The following IQGAP2 variants were observed in gnomAD, a reference collection of about 807,000 sequenced individuals.
The protein encoded by IQGAP2 is ras GTPase-activating-like protein IQGAP2.
A neutral mutation model predicts 201.3 loss-of-function variants in IQGAP2; 173 were observed. The ratio of observed to expected loss-of-function variants is 0.86; its 90% confidence interval spans 0.76 to 0.98. The LOEUF is 0.98. IQGAP2 is among the 50% of genes least tolerant of loss of function. The probability of loss-of-function intolerance (pLI) is 0.00; values close to 1 mark genes in which losing one functional copy is unlikely to be tolerated. For missense variants in IQGAP2, 1,687 were observed against 1,864.8 expected, an observed-to-expected ratio of 0.90 and a Z score of 1.76; for synonymous variants, 675 against 673.9, an observed-to-expected ratio of 1.00 and a Z score of -0.03.
intron 21 of IQGAP2, 51 bp from the exon 22 acceptor site, chr5:76,664,975 G>A: frequency 9.7e-7 from 1 of 1,029,018 alleles, no homozygotes; most frequent in South Asian, 1.4e-5. Context: ...GAAGGGAGGA[G>A]ATAAAGAGTA....
chr5:76,637,443 A>G (rs747750020), intron 16 of IQGAP2, among the ~76,000 whole-genome samples: 1 of 152,246 alleles, frequency 6.6e-6, no homozygotes, highest in Non-Finnish European at 1.5e-5. Context: ...ATCCTAAGAA[A>G]TCAATCTTAA....
At chr5:76,440,548 G>A (rs574685168) in intron 1 of IQGAP2, among the ~76,000 whole-genome samples, 9 of 152,252 alleles carry the variant, frequency 5.9e-5, no homozygotes, top group African/African-American at 1.9e-4. Context: ...TTCTGTGTGT[G>A]ATCTCTTGAC....
intron 2 of IQGAP2, among the ~76,000 whole-genome samples, chr5:76,541,279 A>T (rs1256849563): frequency 6.6e-6 from 1 of 152,134 alleles, no homozygotes. Flanking sequence ...GGAATCATAG[A>T]ATATGTGTCC....
At chr5:76,496,725 T>TTTCTTTCTTTC (rs201757003) in intron 2 of IQGAP2, among the ~76,000 whole-genome samples, 1 of 93,674 alleles carries the variant, frequency 1.1e-5, no homozygotes, top group East Asian at 3.0e-4. Context: ...TCTTTCTTTC[T>TTTCTTTCTTTC]TTTCTTTCTT....
In IQGAP2 at chr5:76,639,338, C is replaced by G. The variant is rs183445493; in HGVS notation, c.1924-1595C>G. Among the ~76,000 whole-genome samples, 462 of 152,258 alleles carry G rather than the reference C, an allele frequency of 3.0e-3. 2 individuals carry two copies. Among genetic ancestry groups the G allele is most frequent in the African/African-American group, 0.011 (444 of 41,526 alleles). On this transcript the variant is annotated intron_variant, in intron 16 of 35. Transcript: ENST00000274364. ...TTTCCACTTTTTGCATTGTTTTTGA[C>G]ACAGTCACCGGTATCTCTGAGTGGT...
At chr5:76,608,478 T>C (rs951965297) in intron 12 of IQGAP2, among the ~76,000 whole-genome samples, 6 of 152,200 alleles carry the variant, frequency 3.9e-5, no homozygotes, top group Admixed American at 2.0e-4. Flanking sequence ...AATACACCAT[T>C]GTAACCAGGC....
At chr5:76,600,685 C>T (rs1181105007) in intron 10 of IQGAP2, 127 bp from the exon 11 acceptor site, 2 of 1,112,280 alleles carry the variant, frequency 1.8e-6, no homozygotes, top group Non-Finnish European at 2.6e-6. Flanking sequence ...GGCCACGACT[C>T]CTCTTTCTGC....
In IQGAP2 at chr5:76,602,688, A is replaced by C. The variant is rs138203811; in HGVS notation, c.1232+1716A>C. Reference sequence around the variant, plus strand: ...TGTATTGACACTTGTATTGGCCCCAAATGATCTTCTACAGCCTTGGCATTT... The same window carrying C: ...TGTATTGACACTTGTATTGGCCCCACATGATCTTCTACAGCCTTGGCATTT... On this transcript the variant is annotated intron_variant, in intron 11 of 35. Coordinates refer to ENST00000274364, the MANE Select transcript of IQGAP2 (RefSeq NM_006633.5). 1.6e-3 allele frequency among the ~76,000 whole-genome samples: 241 copies of C among 152,282 alleles called. 1 individual carries two copies. Among genetic ancestry groups the C allele is most frequent in the African/African-American group, 5.6e-3 (231 of 41,538 alleles).
chr5:76,526,383 C>T (rs1486183185), intron 2 of IQGAP2, among the ~76,000 whole-genome samples: 2 of 152,162 alleles, frequency 1.3e-5, no homozygotes, highest in Admixed American at 1.3e-4. Flanking sequence ...AAAGATTACA[C>T]TGAAAGCAGA....
chr5:76,539,017 C>T lies in IQGAP2; in HGVS notation c.147-23379C>T, dbSNP rs115638946. ...GCTGTGTTTGGCTTTACCTCAGCCT[C>T]GTTTGTGAGCAGCCTGTGCAAAGGA... On this transcript the variant is annotated intron_variant, in intron 2 of 35. Transcript: ENST00000274364. 3.0e-3 allele frequency among the ~76,000 whole-genome samples: 456 copies of T among 152,294 alleles called. 5 individuals are homozygous for T. The highest frequency in any genetic ancestry group is 0.01 in the African/African-American group (428 of 41,558).
At chr5:76,604,447 A>G (rs1458420848) in intron 11 of IQGAP2, among the ~76,000 whole-genome samples, 1 of 152,142 alleles carries the variant, frequency 6.6e-6, no homozygotes, top group Non-Finnish European at 1.5e-5. Context: ...ACATACAGGT[A>G]CATGTGCCTT....
At chr5:76,531,947 T>A (rs1448858205) in intron 2 of IQGAP2, among the ~76,000 whole-genome samples, 1 of 152,224 alleles carries the variant, frequency 6.6e-6, no homozygotes, top group Admixed American at 6.5e-5. Context: ...TCCTCATAGA[T>A]GGCTGTCTGC....
At chr5:76,428,846 A>C (rs1752167529) in intron 1 of IQGAP2, among the ~76,000 whole-genome samples, 1 of 151,680 alleles carries the variant, frequency 6.6e-6, no homozygotes, top group African/African-American at 2.4e-5. Flanking sequence ...TAATCCCAGC[A>C]CTGTGGGAGA....
intron 13 of IQGAP2, among the ~76,000 whole-genome samples, chr5:76,612,501 A>G (rs1748494513): frequency 6.6e-6 from 1 of 152,110 alleles, no homozygotes; most frequent in African/African-American, 2.4e-5. Context: ...TCTCGAAAAT[A>G]AATACATAAA....
intron 1 of IQGAP2, among the ~76,000 whole-genome samples, chr5:76,413,213 G>T (rs1157117565): frequency 8.3e-6 from 1 of 120,646 alleles, no homozygotes; most frequent in African/African-American, 3.2e-5. Flanking sequence ...GTGTCGCCTA[G>T]GCTGGAGTGC....
rs185038488 is a variant in IQGAP2, at chr5:76,427,609, A to G, written c.46+24018A>G. Among the ~76,000 whole-genome samples the G allele has an allele frequency of 1.5e-4, 23 of 152,310 alleles. 1 individual carries two copies. The highest frequency in any genetic ancestry group is 1.4e-3 in the Admixed American group (22 of 15,304). On this transcript the variant is annotated intron_variant, in intron 1 of 35. Coordinates refer to ENST00000274364, the MANE Select transcript of IQGAP2 (RefSeq NM_006633.5). The stretch of plus-strand genomic sequence containing the variant: ...ATTTTAAATGAGGGTTCCCTAGAAC[A>G]GTGCTTCCCACACTTGAATGCGCGT...
At chr5:76,701,697 C>G (rs1747410982) in intron 34 of IQGAP2, 1 of 152,904 alleles carries the variant, frequency 6.5e-6, no homozygotes, top group African/African-American at 2.4e-5. Context: ...GGTCATGAGC[C>G]CAGTGTTCCA....
At chr5:76,432,923 C>T (rs946146479) in intron 1 of IQGAP2, among the ~76,000 whole-genome samples, 2 of 152,150 alleles carry the variant, frequency 1.3e-5, no homozygotes, top group Admixed American at 6.5e-5. Context: ...GTATTTATTT[C>T]CCCTGCTCCC....
intron 5 of IQGAP2, among the ~76,000 whole-genome samples, chr5:76,582,263 G>T (rs1417864792): frequency 2.6e-5 from 4 of 152,198 alleles, no homozygotes; most frequent in Non-Finnish European, 5.9e-5. Context: ...AAGAACACTG[G>T]TATCAGACTT....
Sources: allele counts gnomAD v4.1 joint callset (sites outside exome capture counted in the v4.1 genomes callset), GRCh38; gene constraint gnomAD v4.1.1; transcripts MANE v1.5; gene names NCBI Gene and HGNC (gene_info 2026-07-23, HGNC 2026-07-21).